JMJD1C: variants seen among roughly 807,000 people sequenced by gnomAD.
JMJD1C encodes jumonji domain-containing protein 1C.
JMJD1C carries 31 observed loss-of-function variants against 245.3 expected under a neutral mutation model. The observed-to-expected ratio is 0.13, with a 90% CI of 0.09 to 0.17. The LOEUF is 0.17. Among genes scored for constraint, JMJD1C ranks in the 10% least tolerant of loss-of-function variants. The pLI is 1.00. For synonymous variants in JMJD1C, 1,057 were observed against 1,017.4 expected, an observed-to-expected ratio of 1.04 and a Z score of -0.74; for missense variants, 2,691 against 3,000.2, an observed-to-expected ratio of 0.90 and a Z score of 2.41.
At chr10:63,201,441 T>C (rs1412280838) in intron 10 of JMJD1C, among the ~76,000 whole-genome samples, 1 of 152,116 alleles carries the variant, frequency 6.6e-6, no homozygotes, top group Non-Finnish European at 1.5e-5. Flanking sequence ...TTATACAGTC[T>C]AATATGTGAA....
At chr10:63,299,471 C>T (rs1206791706) in intron 2 of JMJD1C, among the ~76,000 whole-genome samples, 2 of 151,720 alleles carry the variant, frequency 1.3e-5, no homozygotes, top group South Asian at 2.1e-4. Context: ...GGATTACAGG[C>T]ATGAGCCACT....
intron 3 of JMJD1C, among the ~76,000 whole-genome samples, chr10:63,241,395 C>T (rs1257282463): frequency 1.3e-5 from 2 of 152,124 alleles, no homozygotes; most frequent in Admixed American, 1.3e-4. Flanking sequence ...ATTGTTAAAG[C>T]TGCATGCTAC....
chr10:63,249,595 T>G (rs1325796224), intron 3 of JMJD1C, among the ~76,000 whole-genome samples: 5 of 152,068 alleles, frequency 3.3e-5, no homozygotes, highest in Non-Finnish European at 7.4e-5. Context: ...GCACAGTGGA[T>G]CATGCCTGTA....
intron 1 of JMJD1C, among the ~76,000 whole-genome samples, chr10:63,462,521 A>C (rs1952867567): frequency 6.6e-6 from 1 of 152,216 alleles, no homozygotes; most frequent in Non-Finnish European, 1.5e-5. Context: ...AAAGTTTACA[A>C]GGAATTATGG....
At chr10:63,286,337 T>G (rs1857975793) in intron 2 of JMJD1C, among the ~76,000 whole-genome samples, 1 of 152,190 alleles carries the variant, frequency 6.6e-6, no homozygotes, top group South Asian at 2.1e-4. Context: ...CAGGAATCCT[T>G]AGGTTTAAAA....
At chr10:63,456,729 G>A (rs569889964) in intron 1 of JMJD1C, among the ~76,000 whole-genome samples, 2 of 152,094 alleles carry the variant, frequency 1.3e-5, no homozygotes, top group East Asian at 1.9e-4. Context: ...AACCTTCTAC[G>A]TTCAAAATAC....
At chr10:63,262,825 C>T (rs913763997) in intron 3 of JMJD1C, among the ~76,000 whole-genome samples, 1 of 151,872 alleles carries the variant, frequency 6.6e-6, no homozygotes, top group Admixed American at 6.6e-5. Context: ...TTAGGGTACC[C>T]CCCCCACTCT....
chr10:63,499,776 A>G (rs1225478538), intron 1 of JMJD1C, among the ~76,000 whole-genome samples: 1 of 152,266 alleles, frequency 6.6e-6, no homozygotes, highest in Non-Finnish European at 1.5e-5. Flanking sequence ...ACTTTATTTT[A>G]TGCAAATATT....
chr10:63,357,826 G>GACAGACAC (rs1051732036), intron 2 of JMJD1C, among the ~76,000 whole-genome samples: 80 of 140,534 alleles, frequency 5.7e-4, no homozygotes, highest in East Asian at 3.9e-3. Flanking sequence ...CAGACAGACA[G>GACAGACAC]ACACACACAC....
chr10:63,324,200 G>A (rs545952651), intron 2 of JMJD1C, among the ~76,000 whole-genome samples: 1 of 151,444 alleles, frequency 6.6e-6, no homozygotes, highest in South Asian at 2.1e-4. Context: ...CCAGGATCTG[G>A]GTATCCTGTG....
chr10:63,369,528 T>C (rs947479127), intron 2 of JMJD1C, among the ~76,000 whole-genome samples: 1 of 152,168 alleles, frequency 6.6e-6, no homozygotes, highest in Non-Finnish European at 1.5e-5. Context: ...AAATGAGTAA[T>C]TAAATTAGTA....
intron 2 of JMJD1C, among the ~76,000 whole-genome samples, chr10:63,298,031 C>A (rs976184864): frequency 6.6e-6 from 1 of 152,216 alleles, no homozygotes; most frequent in Non-Finnish European, 1.5e-5. Flanking sequence ...CAGCTGCTTA[C>A]GGTACATCTG....
chr10:63,397,697 T>TA (rs1948595628), intron 1 of JMJD1C, among the ~76,000 whole-genome samples: 1 of 150,666 alleles, frequency 6.6e-6, no homozygotes, highest in African/African-American at 2.5e-5. Flanking sequence ...CACACCCAGG[T>TA]AAGTTTTTTA....
intron 1 of JMJD1C, among the ~76,000 whole-genome samples, chr10:63,480,476 C>T (rs1012696701): frequency 1.3e-5 from 2 of 151,988 alleles, no homozygotes; most frequent in African/African-American, 4.8e-5. Flanking sequence ...ACACACCACA[C>T]CTGGCCTAAA....
chr10:63,243,412 GCTA>G (rs1467929808), intron 3 of JMJD1C, among the ~76,000 whole-genome samples: 3 of 151,978 alleles, frequency 2.0e-5, no homozygotes, highest in African/African-American at 7.3e-5. Context: ...TGTAATCCCA[GCTA>G]CTTGGGAGGC....
intron 1 of JMJD1C, among the ~76,000 whole-genome samples, chr10:63,502,393 C>T (rs1297240807): frequency 6.6e-6 from 1 of 152,142 alleles, no homozygotes; most frequent in Non-Finnish European, 1.5e-5. Context: ...AATCCCAGCA[C>T]TTTGGGAGGC....
chr10:63,435,705 A>T (rs562222717), intron 1 of JMJD1C, among the ~76,000 whole-genome samples: 77 of 152,208 alleles, frequency 5.1e-4, no homozygotes, highest in Middle Eastern at 3.4e-3. Flanking sequence ...TTCGACACGA[A>T]TCTGGCCAAC....
chr10:63,343,974 C>CATGCA (rs1943595091), intron 2 of JMJD1C, among the ~76,000 whole-genome samples: 1 of 152,026 alleles, frequency 6.6e-6, no homozygotes, highest in Non-Finnish European at 1.5e-5. Context: ...GGAGGTCAAG[C>CATGCA]ATGCAGTGAG....
At chr10:63,299,229 T>C (rs1373550054) in intron 2 of JMJD1C, among the ~76,000 whole-genome samples, 1 of 152,160 alleles carries the variant, frequency 6.6e-6, no homozygotes, top group African/African-American at 2.4e-5. Flanking sequence ...TTGCCCAAGC[T>C]GAAGTGCAGT....
Sources: allele counts gnomAD v4.1 joint callset (sites outside exome capture counted in the v4.1 genomes callset), GRCh38; gene constraint gnomAD v4.1.1; transcripts MANE v1.5; gene names NCBI Gene and HGNC (gene_info 2026-07-23, HGNC 2026-07-21).